CDKAL1: variants seen among roughly 807,000 people sequenced by gnomAD.
CDKAL1 encodes threonylcarbamoyladenosine tRNA methylthiotransferase.
Under a neutral mutation model 68.2 loss-of-function variants are expected in CDKAL1, and 32 were observed. The observed-to-expected ratio is 0.47, with a 90% CI of 0.35 to 0.63. The LOEUF is 0.63. Among genes scored for constraint, CDKAL1 ranks in the 30% least tolerant of loss-of-function variants. CDKAL1 has a pLI of 0.00. For synonymous variants in CDKAL1, 234 were observed against 244.3 expected (o/e 0.96, Z 0.39); for missense variants, 606 against 696.7 (o/e 0.87, Z 1.47).
Position 21,231,017 on chromosome 6 carries a change from T to G in CDKAL1, c.1718T>G (p.Phe573Cys). 6.2e-7 allele frequency: 1 copy of G among 1,607,738 alleles called. No individual in the cohort carries two copies. Among genetic ancestry groups the G allele is most frequent in the Non-Finnish European group, 8.5e-7 (1 of 1,175,712 alleles). Residue 573 changes from phenylalanine (F) to cysteine (C), a missense_variant, in exon 16 of 16, where the codon TTT becomes TGT. By Grantham distance (205) the Phe-to-Cys change is radical. Transcript: ENST00000274695. Reference sequence around the variant, plus strand: ...GCTCTGCTGGGTCTTCTTTTTGCTTTTTTTGTCAAGGTCTATAATTAGAAT... The same window carrying G: ...GCTCTGCTGGGTCTTCTTTTTGCTTGTTTTGTCAAGGTCTATAATTAGAAT... The part of the protein sequence containing the change: ...GLALLGLLFA[F>C]FVKVYN
chr6:20,817,056 T>G (rs913112370), intron 8 of CDKAL1, among the ~76,000 whole-genome samples: 4 of 152,170 alleles, frequency 2.6e-5, no homozygotes, highest in African/African-American at 9.6e-5. Flanking sequence ...TATTTTTCTT[T>G]AACTCCTGTA....
intron 5 of CDKAL1, among the ~76,000 whole-genome samples, chr6:20,689,334 A>G (rs749380550): frequency 3.2e-4 from 48 of 152,218 alleles, no homozygotes; most frequent in Middle Eastern, 3.4e-3. Flanking sequence ...AGCAATACAT[A>G]AATTACAGTT....
intron 5 of CDKAL1, among the ~76,000 whole-genome samples, chr6:20,709,411 T>C (rs563297840): frequency 5.8e-4 from 88 of 152,212 alleles, no homozygotes; most frequent in South Asian, 1.2e-3. Context: ...GAAATACTCA[T>C]TGGAGCATTT....
At chr6:21,148,753 G>C (rs1194409847) in intron 13 of CDKAL1, among the ~76,000 whole-genome samples, 1 of 152,016 alleles carries the variant, frequency 6.6e-6, no homozygotes, top group East Asian at 1.9e-4. Flanking sequence ...TGATTAAAAA[G>C]TTTATAGAAA....
At chr6:20,570,022 G>A (rs529208485) in intron 4 of CDKAL1, among the ~76,000 whole-genome samples, 2 of 152,266 alleles carry the variant, frequency 1.3e-5, no homozygotes, top group South Asian at 4.1e-4. Flanking sequence ...CCATCATAAA[G>A]TAAGAAAGGC....
chr6:20,804,083 C>G (rs1447395863), intron 8 of CDKAL1, among the ~76,000 whole-genome samples: 6 of 152,156 alleles, frequency 3.9e-5, no homozygotes, highest in Non-Finnish European at 8.8e-5. Flanking sequence ...TTATGGTATT[C>G]TGTTAAATCT....
chr6:21,025,594 G>A (rs556759186), intron 11 of CDKAL1, among the ~76,000 whole-genome samples: 1 of 152,152 alleles, frequency 6.6e-6, no homozygotes, highest in South Asian at 2.1e-4. Flanking sequence ...TGAAATGAAG[G>A]GGAACAAAAA....
intron 7 of CDKAL1, among the ~76,000 whole-genome samples, chr6:20,764,522 G>C (rs983574187): frequency 6.6e-6 from 1 of 152,134 alleles, no homozygotes; most frequent in Non-Finnish European, 1.5e-5. Flanking sequence ...TTAAGACATT[G>C]CTACTAATCT....
chr6:21,047,743 A>G (rs546822397), intron 11 of CDKAL1, among the ~76,000 whole-genome samples: 4 of 152,336 alleles, frequency 2.6e-5, no homozygotes, highest in East Asian at 3.9e-4. Context: ...CAGGGACATC[A>G]TAGAGGTACA....
intron 8 of CDKAL1, among the ~76,000 whole-genome samples, chr6:20,821,052 G>T (rs1455155482): frequency 2.6e-5 from 4 of 152,128 alleles, no homozygotes; most frequent in African/African-American, 9.6e-5. Flanking sequence ...GAGGGTCTCA[G>T]CGAAGCAAAA....
At chr6:20,850,673 A>G (rs1264614221) in intron 9 of CDKAL1, among the ~76,000 whole-genome samples, 1 of 152,096 alleles carries the variant, frequency 6.6e-6, no homozygotes, top group Non-Finnish European at 1.5e-5. Context: ...CCTGGCCTCA[A>G]GTGATCTGCC....
chr6:21,002,608 A>G (rs986116655), intron 11 of CDKAL1, among the ~76,000 whole-genome samples: 1 of 151,602 alleles, frequency 6.6e-6, no homozygotes, highest in Admixed American at 6.6e-5. Flanking sequence ...AATATGATAT[A>G]CCTGCTTATG....
intron 4 of CDKAL1, among the ~76,000 whole-genome samples, chr6:20,587,706 C>T (rs1581773248): frequency 6.6e-6 from 1 of 152,230 alleles, no homozygotes; most frequent in East Asian, 1.9e-4. Context: ...GTACTCCAGC[C>T]TGGGCAACAG....
At chr6:20,699,416 GGGCAGA>G (rs1338940402) in intron 5 of CDKAL1, among the ~76,000 whole-genome samples, 1 of 150,768 alleles carries the variant, frequency 6.6e-6, no homozygotes, top group Non-Finnish European at 1.5e-5. Flanking sequence ...GGTAAATTTA[GGGCAGA>G]GGCAGACAGG....
At chr6:20,668,756 G>A (rs1214018529) in intron 5 of CDKAL1, among the ~76,000 whole-genome samples, 2 of 152,242 alleles carry the variant, frequency 1.3e-5, no homozygotes, top group Non-Finnish European at 2.9e-5. Context: ...ATCCAGTTTA[G>A]GATTCTCCAT....
intron 12 of CDKAL1, among the ~76,000 whole-genome samples, chr6:21,066,944 T>C (rs922346933): frequency 1.3e-5 from 2 of 152,184 alleles, no homozygotes; most frequent in Non-Finnish European, 2.9e-5. Context: ...TTACCCTTTT[T>C]TGTAATCATC....
chr6:20,655,451 G>A (rs1208325661), intron 5 of CDKAL1, among the ~76,000 whole-genome samples: 1 of 152,198 alleles, frequency 6.6e-6, no homozygotes, highest in African/African-American at 2.4e-5. Context: ...CTGGGCTGTA[G>A]ACGTGTACTC....
chr6:21,151,321 C>G lies in CDKAL1; in HGVS notation c.1299+42858C>G, dbSNP rs114962848. On this transcript the variant is annotated intron_variant, in intron 13 of 15. Transcript: ENST00000274695. ...TTTAGTTTAACCCTCTCCGACCCAG[C>G]CTCAGCGTGGCTGGACAGTAGTAAC... Among the ~76,000 whole-genome samples the G allele has an allele frequency of 7.7e-3, 1,173 of 152,358 alleles. 20 individuals carry two copies. Among genetic ancestry groups the G allele is most frequent in the African/African-American group, 0.025 (1,056 of 41,590 alleles).
At chr6:20,611,682 A>G (rs931995456) in intron 4 of CDKAL1, among the ~76,000 whole-genome samples, 2 of 152,190 alleles carry the variant, frequency 1.3e-5, no homozygotes, top group Non-Finnish European at 2.9e-5. Context: ...TACAATGTGT[A>G]ATGATTGAGT....
Sources: gnomAD v4.1 joint callset for allele counts (sites outside exome capture counted in the v4.1 genomes callset) on GRCh38, gnomAD v4.1.1 for gene constraint, MANE v1.5 for transcripts, NCBI Gene and HGNC (gene_info 2026-07-23, HGNC 2026-07-21) for gene names.